PEBP4: variants seen among roughly 807,000 people sequenced by gnomAD.
PEBP4 encodes phosphatidylethanolamine-binding protein 4.
A neutral mutation model predicts 23.9 loss-of-function variants in PEBP4; 22 were observed. That is an observed-to-expected ratio of 0.92 (90% CI 0.66 to 1.31). PEBP4 has a LOEUF of 1.31. PEBP4 is among the 40% of genes most tolerant of loss of function. PEBP4 has a pLI of 0.00. For synonymous variants in PEBP4, 112 were observed against 99.3 expected (o/e 1.13, Z -0.76); for missense variants, 324 against 281.7 (o/e 1.15, Z -1.07).
intron 3 of PEBP4, among the ~76,000 whole-genome samples, chr8:22,850,521 GGTT>G (rs1807529774): frequency 6.6e-6 from 1 of 152,136 alleles, no homozygotes; most frequent in Non-Finnish European, 1.5e-5. Context: ...CACTAGGAGG[GGTT>G]GTTCTTGGTC....
chr8:22,736,904 T>G (rs1413839431), intron 4 of PEBP4, among the ~76,000 whole-genome samples: 1 of 152,232 alleles, frequency 6.6e-6, no homozygotes, highest in Non-Finnish European at 1.5e-5. Flanking sequence ...ATTAGAATAC[T>G]AGTTCTTGTC....
chr8:22,788,599 G>A (rs1460080650), intron 4 of PEBP4, among the ~76,000 whole-genome samples: 1 of 152,212 alleles, frequency 6.6e-6, no homozygotes, highest in African/African-American at 2.4e-5. Flanking sequence ...GTAAACTGGA[G>A]AGGCTGGACC....
intron 3 of PEBP4, among the ~76,000 whole-genome samples, chr8:22,900,848 C>T (rs1456823312): frequency 2.0e-5 from 3 of 152,032 alleles, no homozygotes; most frequent in African/African-American, 7.3e-5. Flanking sequence ...AAACTAGGCA[C>T]TTCACTCACA....
chr8:22,910,966 G>C (rs181511323), intron 3 of PEBP4, among the ~76,000 whole-genome samples: 1 of 151,996 alleles, frequency 6.6e-6, no homozygotes, highest in Non-Finnish European at 1.5e-5. Context: ...ATGTATCAGC[G>C]TAGGTTCGTT....
intron 4 of PEBP4, among the ~76,000 whole-genome samples, chr8:22,787,502 C>T (rs143282732): frequency 6.6e-6 from 1 of 152,290 alleles, no homozygotes; most frequent in East Asian, 1.9e-4. Flanking sequence ...CACCCATACC[C>T]TCTCCTTGTA....
At chr8:22,746,672 C>T (rs913611158) in intron 4 of PEBP4, among the ~76,000 whole-genome samples, 1 of 151,892 alleles carries the variant, frequency 6.6e-6, no homozygotes, top group African/African-American at 2.4e-5. Context: ...CTCTTTCCTT[C>T]ACAGAGGACC....
chr8:22,803,733 G>A (rs1437949941), intron 4 of PEBP4, among the ~76,000 whole-genome samples: 1 of 152,166 alleles, frequency 6.6e-6, no homozygotes, highest in African/African-American at 2.4e-5. Flanking sequence ...GACAGAGCTT[G>A]AGACTCCCCC....
intron 3 of PEBP4, among the ~76,000 whole-genome samples, chr8:22,917,879 G>T (rs549132854): frequency 6.6e-6 from 1 of 152,284 alleles, no homozygotes; most frequent in East Asian, 1.9e-4. Context: ...GGCTGTTGGG[G>T]CCATCTTTGT....
At chr8:22,845,283 C>T (rs530705578) in intron 3 of PEBP4, among the ~76,000 whole-genome samples, 12 of 151,670 alleles carry the variant, frequency 7.9e-5, no homozygotes, top group African/African-American at 2.9e-4. Flanking sequence ...CCTGTAACCC[C>T]AACACTCTGG....
chr8:22,922,208 C>T (rs1809217530), intron 2 of PEBP4, among the ~76,000 whole-genome samples: 1 of 152,202 alleles, frequency 6.6e-6, no homozygotes, highest in African/African-American at 2.4e-5. Flanking sequence ...AGCGTATTGC[C>T]CCACCTAGGA....
rs541654077 is a variant in PEBP4, at chr8:22,714,727, C to T, written c.518-1191G>A. Among the ~76,000 whole-genome samples the T allele has an allele frequency of 6.0e-4, 91 of 152,146 alleles. 1 individual carries two copies. Among genetic ancestry groups the T allele is most frequent in the Admixed American group, 2.4e-3 (36 of 15,276 alleles). ...CTCTCAGAACCCCACTTGAGACTCA[C>T]GGGCCACCCACCCTCCCACCTGCCT... On this transcript the variant is annotated intron_variant, in intron 6 of 6. Transcript: ENST00000256404.
intron 3 of PEBP4, among the ~76,000 whole-genome samples, chr8:22,832,509 T>C (rs1160687732): frequency 6.6e-6 from 1 of 152,120 alleles, no homozygotes; most frequent in African/African-American, 2.4e-5. Context: ...ACCCAGTCTA[T>C]GGAATTTTTG....
chr8:22,913,614 G>T (rs2466210), intron 3 of PEBP4, among the ~76,000 whole-genome samples: 147,633 of 152,104 alleles, frequency 0.97, 71,808 homozygotes, highest in East Asian at 1. Context: ...AAGCATCTCC[G>T]GCACCTCCCA....
At chr8:22,818,525 A>T (rs571991627) in intron 3 of PEBP4, among the ~76,000 whole-genome samples, 1 of 152,264 alleles carries the variant, frequency 6.6e-6, no homozygotes, top group South Asian at 2.1e-4. Flanking sequence ...TGGCAGGTGC[A>T]GGGGAGGGAG....
chr8:22,901,344 T>G (rs1034691688), intron 3 of PEBP4, among the ~76,000 whole-genome samples: 1 of 152,144 alleles, frequency 6.6e-6, no homozygotes, highest in African/African-American at 2.4e-5. Flanking sequence ...TGAGTGAAGA[T>G]GGATCGGGAC....
At position 22,901,577 on chromosome 8, in the gene PEBP4, T is replaced by G. The variant is rs73555861; in HGVS notation, c.258+18607A>C. Among the ~76,000 whole-genome samples the G allele has an allele frequency of 8.0e-3, 1,222 of 152,260 alleles. 21 individuals are homozygous for G. Among genetic ancestry groups the G allele is most frequent in the African/African-American group, 0.028 (1,144 of 41,538 alleles). ...ACTGTGCAGCTCGACTAAGGCAACC[T>G]CCAGAGTCCTAATTCCCTGTCATAG... On this transcript the variant is annotated intron_variant, in intron 3 of 6. Transcript: ENST00000256404.
intron 3 of PEBP4, among the ~76,000 whole-genome samples, chr8:22,909,255 G>A (rs1310749227): frequency 6.6e-6 from 1 of 152,188 alleles, no homozygotes; most frequent in African/African-American, 2.4e-5. Context: ...CCACACCTAA[G>A]ACGTGGGTCC....
intron 5 of PEBP4, among the ~76,000 whole-genome samples, chr8:22,726,635 T>C (rs1483074546): frequency 2.6e-5 from 4 of 152,232 alleles, no homozygotes; most frequent in Non-Finnish European, 5.9e-5. Context: ...ATCTCCTCCA[T>C]CTTCCCATTT....
intron 4 of PEBP4, chr8:22,754,953 A>G (rs955989550): frequency 6.6e-6 from 1 of 152,198 alleles, no homozygotes; most frequent in East Asian, 1.9e-4. Flanking sequence ...AACTACTGTG[A>G]ATCTGGTAGG....
Sources: allele counts gnomAD v4.1 joint callset (sites outside exome capture counted in the v4.1 genomes callset), GRCh38; gene constraint gnomAD v4.1.1; transcripts MANE v1.5; gene names NCBI Gene and HGNC (gene_info 2026-07-23, HGNC 2026-07-21).